The following SNTG2 variants were observed in gnomAD, a reference collection of about 807,000 sequenced individuals.
SNTG2 encodes the protein gamma-2-syntrophin.
SNTG2 carries 74 observed loss-of-function variants against 70.9 expected under a neutral mutation model. That is an observed-to-expected ratio of 1.04 (90% CI 0.86 to 1.27). The LOEUF is 1.27. SNTG2 is among the 50% of genes most tolerant of loss of function. The probability of loss-of-function intolerance (pLI) is 0.00; values close to 1 mark genes in which losing one functional copy is unlikely to be tolerated. For synonymous variants in SNTG2, 278 were observed against 273.8 expected (o/e 1.02, Z -0.15); for missense variants, 717 against 690.7 (o/e 1.04, Z -0.43).
intron 16 of SNTG2, among the ~76,000 whole-genome samples, chr2:1,362,182 ATACACCGATGC>A: frequency 7.4e-6 from 1 of 135,368 alleles, no homozygotes; most frequent in Non-Finnish European, 1.6e-5. Flanking sequence ...CTTCCATGAG[ATACACCGATGC>A]TGAGCATTTC....
intron 1 of SNTG2, among the ~76,000 whole-genome samples, chr2:961,605 T>C (rs886485765): frequency 1.3e-5 from 2 of 152,252 alleles, no homozygotes; most frequent in African/African-American, 4.8e-5. Context: ...TTTATTCTTT[T>C]TCTTAATTTG....
intron 1 of SNTG2, among the ~76,000 whole-genome samples, chr2:1,074,174 AGCT>A (rs1663767192): frequency 6.6e-6 from 1 of 152,226 alleles, no homozygotes. Flanking sequence ...GCCTCCCGGC[AGCT>A]GCAGTGTAGC....
intron 2 of SNTG2, among the ~76,000 whole-genome samples, chr2:1,093,183 C>T (rs986715427): frequency 6.6e-6 from 1 of 152,156 alleles, no homozygotes; most frequent in East Asian, 1.9e-4. Flanking sequence ...CTCGGGGCAG[C>T]TCACGATCCG....
At chr2:1,281,549 TGTG>T (rs1230639867) in intron 14 of SNTG2, among the ~76,000 whole-genome samples, 1 of 141,012 alleles carries the variant, frequency 7.1e-6, no homozygotes, top group Non-Finnish European at 1.6e-5. Context: ...TGTGTGTGTA[TGTG>T]GTGTGTGTGT....
intron 14 of SNTG2, among the ~76,000 whole-genome samples, chr2:1,293,157 C>CTTTTTTTTTTTTT (rs71400092): frequency 9.2e-5 from 12 of 130,986 alleles, no homozygotes; most frequent in African/African-American, 1.4e-4. Context: ...TACTCTGTTA[C>CTTTTTTTTTTTTT]TTTTTTTTTT....
chr2:1,018,651 C>G (rs1486671043), intron 1 of SNTG2, among the ~76,000 whole-genome samples: 1 of 152,156 alleles, frequency 6.6e-6, no homozygotes, highest in African/African-American at 2.4e-5. Flanking sequence ...GAACTTCTCA[C>G]CTGGTTCAGG....
At chr2:1,121,157 G>T (rs1667350004) in intron 4 of SNTG2, among the ~76,000 whole-genome samples, 1 of 151,730 alleles carries the variant, frequency 6.6e-6, no homozygotes, top group Admixed American at 6.6e-5. Context: ...ACAATCAATG[G>T]GTCACAGAAG....
chr2:1,169,139 AG>A (rs1305605579), intron 7 of SNTG2, among the ~76,000 whole-genome samples: 1 of 152,132 alleles, frequency 6.6e-6, no homozygotes, highest in Non-Finnish European at 1.5e-5. Context: ...ATTCTGCAGC[AG>A]CTGTGACCAT....
At chr2:1,364,455 A>G (rs1250994652) in intron 16 of SNTG2, among the ~76,000 whole-genome samples, 2 of 151,974 alleles carry the variant, frequency 1.3e-5, no homozygotes, top group African/African-American at 2.4e-5. Flanking sequence ...TTCAGTTTCT[A>G]TGTATAAAAC....
chr2:1,116,604 G>A (rs1207330544), intron 4 of SNTG2, among the ~76,000 whole-genome samples: 3 of 150,112 alleles, frequency 2.0e-5, no homozygotes, highest in Admixed American at 2.0e-4. Flanking sequence ...GTGTTCGGGT[G>A]CCCTGGTGTG....
chr2:1,324,455 G>T (rs1195568330), intron 16 of SNTG2, among the ~76,000 whole-genome samples: 1 of 151,672 alleles, frequency 6.6e-6, no homozygotes, highest in African/African-American at 2.4e-5. Flanking sequence ...AAGCCAGAAT[G>T]AAAAAAAGAG....
In SNTG2 at chr2:1,097,012, T is replaced by TA. The variant is rs1298541075; in HGVS notation, c.211-1180dup. 9.2e-5 allele frequency among the ~76,000 whole-genome samples: 14 copies of TA among 152,338 alleles called. No individual in the cohort carries two copies. In the East Asian group the frequency reaches 2.5e-3, roughly 27 times the overall value. On this transcript the variant is annotated intron_variant, in intron 2 of 16. Transcript: ENST00000308624. The surrounding 1 kb of genome is among the most constrained non-coding windows in gnomAD (Gnocchi z 4.1). The stretch of plus-strand genomic sequence containing the variant: ...CGAAATACGGCTCTTTTTCTGTGTA[T>TA]AAAATTATTTTTGTCAGTTAAAAAT...
intron 14 of SNTG2, among the ~76,000 whole-genome samples, chr2:1,289,466 A>AGATCGTACCCT (rs1419094326): frequency 6.6e-6 from 1 of 152,136 alleles, no homozygotes; most frequent in Non-Finnish European, 1.5e-5. Flanking sequence ...ATCACTTGGC[A>AGATCGTACCCT]GATCGTACCC....
intron 6 of SNTG2, among the ~76,000 whole-genome samples, chr2:1,143,354 T>G (rs1668876576): frequency 6.6e-6 from 1 of 152,146 alleles, no homozygotes; most frequent in Non-Finnish European, 1.5e-5. Flanking sequence ...AGTGGAAACA[T>G]GAGTCCCTGG....
chr2:1,259,419 A>AG lies in SNTG2; in HGVS notation c.1057dup (p.Val353GlyfsTer4), dbSNP rs765814086. 1 of 1,614,004 alleles carries AG rather than the reference A, an allele frequency of 6.2e-7. No homozygotes were observed. Among genetic ancestry groups the AG allele is most frequent in the Non-Finnish European group, 8.5e-7 (1 of 1,179,860 alleles). ...GCAGAAAGGACCTATCACCTCTGTG[A>AG]GGTGCTATTTAAAGTTCACAAGGTA... On this transcript the variant is annotated frameshift_variant, in exon 13 of 17. Coordinates refer to ENST00000308624, the MANE Select transcript of SNTG2 (RefSeq NM_018968.4). LOFTEE classifies it high-confidence loss of function.
At chr2:963,725 C>T (rs1022963195) in intron 1 of SNTG2, among the ~76,000 whole-genome samples, 4 of 152,078 alleles carry the variant, frequency 2.6e-5, no homozygotes, top group African/African-American at 9.7e-5. Flanking sequence ...TAAAAATTGG[C>T]TGAAGATATT....
chr2:1,098,889 C>G (rs1312338838), intron 4 of SNTG2, among the ~76,000 whole-genome samples: 1 of 152,206 alleles, frequency 6.6e-6, no homozygotes, highest in Admixed American at 6.5e-5. Context: ...TGGTACTGCA[C>G]TGACTACCAC....
intron 11 of SNTG2, among the ~76,000 whole-genome samples, chr2:1,243,371 C>T (rs144888240): frequency 2.6e-5 from 4 of 152,288 alleles, no homozygotes; most frequent in East Asian, 3.9e-4. Context: ...TCTGGGTGCT[C>T]GGATTCCAGC....
chr2:1,240,730 T>C (rs150421231), intron 11 of SNTG2, among the ~76,000 whole-genome samples: 6 of 152,312 alleles, frequency 3.9e-5, no homozygotes, highest in Admixed American at 1.3e-4. Flanking sequence ...GGCTGTGTTT[T>C]AAATTAAACC....
Sources: gnomAD v4.1 joint callset for allele counts (sites outside exome capture counted in the v4.1 genomes callset) on GRCh38, gnomAD v4.1.1 for gene constraint, Gnocchi (gnomAD v3.1) non-coding constraint, MANE v1.5 for transcripts, NCBI Gene and HGNC (gene_info 2026-07-23, HGNC 2026-07-21) for gene names.